The following SLC24A2 variants were observed in gnomAD, a reference collection of about 807,000 sequenced individuals.
The protein encoded by SLC24A2 is solute carrier family 24 member 2.
A neutral mutation model predicts 62.0 loss-of-function variants in SLC24A2; 36 were observed. That is an observed-to-expected ratio of 0.58 (90% CI 0.44 to 0.77). SLC24A2 has a LOEUF of 0.77. Among genes scored for constraint, SLC24A2 ranks in the 30% least tolerant of loss-of-function variants. The pLI, the probability that SLC24A2 is intolerant of heterozygous loss-of-function variation, is 0.00. For missense variants in SLC24A2, 846 were observed against 817.9 expected (o/e 1.03, Z -0.42); for synonymous variants, 358 against 294.0 (o/e 1.22, Z -2.23).
chr9:19,972,171 G>C, the SLC24A2 span, among the ~76,000 whole-genome samples: 4 of 152,122 alleles, frequency 2.6e-5, no homozygotes, highest in Non-Finnish European at 5.9e-5. Flanking sequence ...TATGAGGCCA[G>C]TATCTTGGTG....
the SLC24A2 span, among the ~76,000 whole-genome samples, chr9:20,021,003 C>T: frequency 6.6e-6 from 1 of 152,110 alleles, no homozygotes; most frequent in Admixed American, 6.5e-5. Flanking sequence ...CCATCATATA[C>T]ACTCATATGC....
At chr9:20,287,403 TG>T in the SLC24A2 span, among the ~76,000 whole-genome samples, 1 of 152,160 alleles carries the variant, frequency 6.6e-6, no homozygotes, top group Non-Finnish European at 1.5e-5. Context: ...TCCTCACTCC[TG>T]CCCAGGTAAC....
chr9:20,060,972 G>A, the SLC24A2 span, among the ~76,000 whole-genome samples: 1 of 152,052 alleles, frequency 6.6e-6, no homozygotes, highest in Non-Finnish European at 1.5e-5. Context: ...AACTGTAAAT[G>A]TAACAAAAGA....
rs749974780 is a variant in SLC24A2, at chr9:19,619,599, C to T, written c.1063G>A (p.Asp355Asn). 7 of 1,613,644 alleles carry T rather than the reference C, an allele frequency of 4.3e-6. No homozygotes were observed. The highest frequency in any genetic ancestry group is 5.9e-6 in the Non-Finnish European group (7 of 1,179,596). Residue 355 changes from aspartate (D) to asparagine (N), a missense_variant, in exon 4 of 11, where the codon GAC (aspartate) becomes AAC (asparagine). Asp to Asn is a conservative substitution (Grantham distance 23). Coordinates refer to ENST00000341998, the MANE Select transcript of SLC24A2 (RefSeq NM_020344.4). ...TGATGTTTACCTTCGGCGAGTGGGT[C>T]AAGGGTGTGTATCATGAGTTGGAAG... ...SIFQLMIHTL[D>N]PLAEELGSYG...
rs1228173809 is a variant in SLC24A2 at position 19,789,019 on chromosome 9, C to A, written c.-288G>T. On this transcript the variant is annotated 5_prime_UTR_variant, in exon 1 of 11. Transcript: ENST00000341998. ...CTGGCTGCCGCTCTCGCCAGCCGGGCTGGGTTCGGGAGGAGACTGAGCCGC... is the reference window on the plus strand; with the variant it reads ...CTGGCTGCCGCTCTCGCCAGCCGGGATGGGTTCGGGAGGAGACTGAGCCGC... 5.4e-6 allele frequency: 5 copies of A among 924,000 alleles called. No individual in the cohort carries two copies. The highest frequency in any genetic ancestry group is 6.2e-5 in the Admixed American group (1 of 16,196). The allele number at this position is 924,000 out of a possible 1,614,324, so 57.2% of individuals were successfully genotyped here.
At chr9:19,522,512 CTTATTT>C (rs957160145) in intron 9 of SLC24A2, among the ~76,000 whole-genome samples, 1 of 152,072 alleles carries the variant, frequency 6.6e-6, no homozygotes, top group Non-Finnish European at 1.5e-5. Context: ...TAAAAAAATT[CTTATTT>C]TTATAAGAAA....
the SLC24A2 span, among the ~76,000 whole-genome samples, chr9:19,854,848 T>C: frequency 6.6e-6 from 1 of 152,208 alleles, no homozygotes; most frequent in African/African-American, 2.4e-5. Flanking sequence ...ATATCTTTGT[T>C]AATTTTTTGT....
chr9:19,534,965 A>AC (rs992623123), intron 8 of SLC24A2, among the ~76,000 whole-genome samples: 3 of 151,988 alleles, frequency 2.0e-5, no homozygotes, highest in Non-Finnish European at 2.9e-5. Flanking sequence ...ACTAACTTAC[A>AC]CCCCCACCAA....
At chr9:20,281,280 A>G in the SLC24A2 span, among the ~76,000 whole-genome samples, 2 of 152,158 alleles carry the variant, frequency 1.3e-5, no homozygotes, top group African/African-American at 4.8e-5. Context: ...TCTTTATCTT[A>G]TTTATACTTT....
chr9:19,878,046 G>A, the SLC24A2 span, among the ~76,000 whole-genome samples: 1 of 152,154 alleles, frequency 6.6e-6, no homozygotes, highest in Admixed American at 6.5e-5. Context: ...CAGCAGACCT[G>A]TTACCACCCT....
the SLC24A2 span, among the ~76,000 whole-genome samples, chr9:20,277,736 G>A: frequency 6.6e-6 from 1 of 152,154 alleles, no homozygotes; most frequent in Non-Finnish European, 1.5e-5. Flanking sequence ...CCCATTACTG[G>A]TATATACCCG....
At chr9:19,665,477 T>C (rs1044473664) in intron 2 of SLC24A2, among the ~76,000 whole-genome samples, 1 of 152,120 alleles carries the variant, frequency 6.6e-6, no homozygotes, top group Non-Finnish European at 1.5e-5. Context: ...CTAAACCTAA[T>C]AGACTTCAAT....
At chr9:19,606,013 A>T (rs142102378) in intron 4 of SLC24A2, among the ~76,000 whole-genome samples, 2 of 152,320 alleles carry the variant, frequency 1.3e-5, no homozygotes, top group East Asian at 3.9e-4. Flanking sequence ...CAAGCAGGGT[A>T]GAGAGGGTTT....
At chr9:19,531,331 G>C (rs150502267) in intron 8 of SLC24A2, among the ~76,000 whole-genome samples, 1 of 152,180 alleles carries the variant, frequency 6.6e-6, no homozygotes, top group Admixed American at 6.5e-5. Flanking sequence ...TTAGTTACCA[G>C]TGTCATTGGA....
chr9:19,972,194 G>T, the SLC24A2 span, among the ~76,000 whole-genome samples: 3 of 152,002 alleles, frequency 2.0e-5, no homozygotes, highest in Non-Finnish European at 4.4e-5. Flanking sequence ...AGTAGGAAGG[G>T]AATAGAAAGA....
chr9:19,627,560 T>C lies in SLC24A2; in HGVS notation c.931-5261A>G, dbSNP rs145500772. On this transcript the variant is annotated intron_variant, in intron 2 of 10. Transcript: ENST00000341998. ...CATTATCAGATAGAGGCTTGCTCTG[T>C]TGTTGCCCAGGCTGGAGTGCAGTGG... Among the ~76,000 whole-genome samples the C allele has an allele frequency of 2.0e-3, 308 of 152,258 alleles. 2 individuals are homozygous for C. The highest frequency in any genetic ancestry group is 0.017 in the East Asian group (87 of 5,172).
the SLC24A2 span, among the ~76,000 whole-genome samples, chr9:19,874,698 G>A: frequency 6.6e-6 from 1 of 152,146 alleles, no homozygotes; most frequent in African/African-American, 2.4e-5. Context: ...AGATTCTTCA[G>A]GTTGAATTTA....
chr9:20,185,465 A>G, the SLC24A2 span, among the ~76,000 whole-genome samples: 1 of 152,166 alleles, frequency 6.6e-6, no homozygotes, highest in East Asian at 1.9e-4. Context: ...GGAGATCTAG[A>G]CCATCCTGGC....
chr9:20,058,180 A>G, the SLC24A2 span, among the ~76,000 whole-genome samples: 8 of 152,224 alleles, frequency 5.3e-5, no homozygotes, highest in Non-Finnish European at 1.0e-4. Flanking sequence ...TTGTAGGTTT[A>G]TAGTTATGGT....
Sources: gnomAD v4.1 joint callset for allele counts (sites outside exome capture counted in the v4.1 genomes callset) on GRCh38, gnomAD v4.1.1 for gene constraint, MANE v1.5 for transcripts, NCBI Gene and HGNC (gene_info 2026-07-23, HGNC 2026-07-21) for gene names.